MYH14: variants seen among roughly 807,000 people sequenced by gnomAD.
MYH14 encodes myosin-14.
MYH14 carries 123 observed loss-of-function variants against 255.5 expected under a neutral mutation model. That is an observed-to-expected ratio of 0.48 (90% confidence interval 0.42 to 0.56). MYH14 has a LOEUF of 0.56. Among genes scored for constraint, MYH14 ranks in the 20% least tolerant of loss-of-function variants. The pLI is 0.00. For missense variants in MYH14, 2,423 were observed against 2,802.3 expected, an observed-to-expected ratio of 0.86 and a Z score of 3.06; for synonymous variants, 1,095 against 1,161.2, an observed-to-expected ratio of 0.94 and a Z score of 1.16.
chr19:50,229,976 G>A (rs12610851), intron 8 of MYH14, among the ~76,000 whole-genome samples: 23,250 of 152,040 alleles, frequency 0.15, 2,326 homozygotes, highest in East Asian at 0.45. Context: ...GTGCAGTGGC[G>A]CAATCTCGGC....
chr19:50,290,950 C>T lies in MYH14; in HGVS notation c.5029C>T (p.Arg1677Cys), dbSNP rs369214872. 1.5e-5 allele frequency: 24 copies of T among 1,598,894 alleles called. No homozygotes were observed. The highest frequency in any genetic ancestry group is 1.8e-4 in the Middle Eastern group (1 of 5,642). The change falls in exon 36 of 43, where the codon CGC becomes TGC. Residue 1677 changes from arginine to cysteine, a missense_variant. Arg to Cys is a radical substitution (Grantham distance 180). This residue lies in a region of MYH14 where 1,513 missense variants were observed against 1,674.8 expected (regional missense o/e 0.90). Coordinates refer to ENST00000642316, the MANE Select transcript of MYH14 (RefSeq NM_001145809.2). ...RKQRTLAVAA[R>C]KKLEGELEEL... ...GCAGCGCACTCTGGCCGTGGCTGCC[C>T]GCAAGAAGCTGGAGGGAGAGCTGGA... is the stretch of plus-strand genomic sequence containing the variant.
rs1392849324 is a variant in MYH14, at chr19:50,259,146, C to G, written c.2235C>G (p.Ala745=). ...GCGTGTCCGTCCGCTCTCCCCAGGC[C>G]GGGAAGCTGGAGCCACGGCTGGTGC... The part of the protein sequence containing the change: ...RCIVPNHEKR[A]GKLEPRLVLD... The change falls in exon 19 of 43, where the codon GCC becomes GCG. Residue 745 remains alanine, a splice_region_variant and synonymous_variant. Coordinates refer to ENST00000642316, the MANE Select transcript of MYH14 (RefSeq NM_001145809.2). 6.4e-7 allele frequency: 1 copy of G among 1,554,178 alleles called. No homozygotes were observed. The highest frequency in any genetic ancestry group is 1.9e-5 in the Admixed American group (1 of 51,302).
chr19:50,251,890 A>C (rs898264544), intron 15 of MYH14, among the ~76,000 whole-genome samples: 1 of 152,054 alleles, frequency 6.6e-6, no homozygotes, highest in Non-Finnish European at 1.5e-5. Context: ...ATTCCAGTGA[A>C]AGTATTTGCA....
At chr19:50,301,505 A>C (rs995090512) in intron 39 of MYH14, among the ~76,000 whole-genome samples, 156 bp from the exon 40 acceptor site, 4 of 152,238 alleles carry the variant, frequency 2.6e-5, no homozygotes, top group Admixed American at 1.3e-4. Flanking sequence ...TAATAAAAAT[A>C]CAAGCTAACA....
Position 50,292,128 on chromosome 19 carries a change from G to A in MYH14, c.5128-133G>A, listed in dbSNP as rs2036095484. 6 of 899,390 alleles carry A rather than the reference G, an allele frequency of 6.7e-6. No homozygotes were observed. The South Asian group carries it at 1.1e-4, about 17-fold the overall frequency. 55.7% of individuals were successfully genotyped at this position (899,390 alleles called of 1,614,324 possible). ...AAGTGGCTTTATACACAGGAGCCCA[G>A]GTCTGCAGGGTTCGGAGAGTTCCCT... On this transcript the variant is annotated intron_variant, in intron 36 of 42. Coordinates refer to ENST00000642316, the MANE Select transcript of MYH14 (RefSeq NM_001145809.2).
chr19:50,260,863 A>G (rs950587979), intron 20 of MYH14, 148 bp downstream of exon 20: 96 of 664,698 alleles, frequency 1.4e-4, no homozygotes, highest in Non-Finnish European at 1.9e-4. Flanking sequence ...GTGTGCATGC[A>G]TATGTGTGCA....
At chr19:50,212,795 G>T (rs1365284879) in intron 2 of MYH14, among the ~76,000 whole-genome samples, 1 of 152,106 alleles carries the variant, frequency 6.6e-6, no homozygotes, top group Non-Finnish European at 1.5e-5. Context: ...CATGGGGTTG[G>T]TGTCTTCTCC....
chr19:50,227,101 T>G, intron 8 of MYH14, 135 bp downstream of exon 8: 1 of 441,550 alleles, frequency 2.3e-6, no homozygotes, highest in Non-Finnish European at 4.6e-6. Flanking sequence ...AGGCGGCATC[T>G]GCATGGGGAG....
At chr19:50,296,958 A>G (rs2036287543) in intron 39 of MYH14, among the ~76,000 whole-genome samples, 2 of 146,036 alleles carry the variant, frequency 1.4e-5, no homozygotes, top group Admixed American at 1.4e-4. Flanking sequence ...AGCTTAAAGC[A>G]ACAGGAATGT....
chr19:50,257,970 G>A (rs756972288), intron 18 of MYH14, among the ~76,000 whole-genome samples: 2 of 152,276 alleles, frequency 1.3e-5, no homozygotes, highest in Middle Eastern at 3.4e-3. Flanking sequence ...TGGAGCACGC[G>A]AGGTACAAGG....
chr19:50,224,095 C>T, intron 5 of MYH14, 59 bp from the exon 6 acceptor site: 1 of 1,288,264 alleles, frequency 7.8e-7, no homozygotes, highest in Non-Finnish European at 1.1e-6. Context: ...ACCTGTGTGT[C>T]TGTCCACGTT....
chr19:50,304,325 C>G (rs2036586636), intron 40 of MYH14, among the ~76,000 whole-genome samples: 1 of 152,176 alleles, frequency 6.6e-6, no homozygotes, highest in Non-Finnish European at 1.5e-5. Flanking sequence ...CATGGTGGCT[C>G]ACGCCTGTAA....
chr19:50,276,989 T>A lies in MYH14; in HGVS notation c.3825+88T>A. 1 of 1,011,796 alleles carries A rather than the reference T, an allele frequency of 9.9e-7. No homozygotes were observed. The highest frequency in any genetic ancestry group is 1.5e-6 in the Non-Finnish European group (1 of 687,828). 62.7% of individuals were successfully genotyped at this position (1,011,796 alleles called of 1,614,324 possible). On this transcript the variant is annotated intron_variant, in intron 29 of 42. Coordinates refer to ENST00000642316, the MANE Select transcript of MYH14 (RefSeq NM_001145809.2). This position sits in a 1 kb window ranked among gnomAD's most constrained non-coding sequence, Gnocchi z 4.3. The stretch of plus-strand genomic sequence containing the variant: ...TGGAGGAGGTACCGCTGGCTGGTTC[T>A]AGGCTAGCTCATCTCCCTGGGCCCC...
Position 50,266,020 on chromosome 19 carries a change from G to A in MYH14, c.2695-857G>A, listed in dbSNP as rs1014783207. Among the ~76,000 whole-genome samples, 26 of 152,146 alleles carry A rather than the reference G, an allele frequency of 1.7e-4. No individual in the cohort carries two copies. The highest frequency in any genetic ancestry group is 4.8e-4 in the African/African-American group (20 of 41,478). ...ATACCTGCGAAAGATGCAAGGAGTCGGGGCAGAAAAGGAGAGAATAGAAGG... is the reference window on the plus strand; with the variant it reads ...ATACCTGCGAAAGATGCAAGGAGTCAGGGCAGAAAAGGAGAGAATAGAAGG... On this transcript the variant is annotated intron_variant, in intron 22 of 42. Transcript: ENST00000642316. The surrounding 1 kb of genome is among the most constrained non-coding windows in gnomAD (Gnocchi z 4.1).
At chr19:50,302,276 C>G (rs1322099466) in intron 40 of MYH14, among the ~76,000 whole-genome samples, 2 of 124,212 alleles carry the variant, frequency 1.6e-5, no homozygotes, top group Admixed American at 8.0e-5. Context: ...AGTGGAAGAC[C>G]TTGTCTCTAA....
intron 8 of MYH14, 99 bp downstream of exon 8, chr19:50,227,065 T>C: frequency 1.0e-6 from 1 of 1,004,322 alleles, no homozygotes; most frequent in Non-Finnish European, 1.5e-6. Context: ...ACCCCTTACC[T>C]GCTACTCAGA....
chr19:50,271,360 C>T (rs1273455914), intron 24 of MYH14, 49 bp from the exon 25 acceptor site: 1 of 1,566,474 alleles, frequency 6.4e-7, no homozygotes. Context: ...CCCCATCACA[C>T]TCCATCTATT....
chr19:50,307,293 T>TACC, intron 41 of MYH14, 136 bp downstream of exon 41: 2 of 605,830 alleles, frequency 3.3e-6, no homozygotes, highest in Non-Finnish European at 6.0e-6. Flanking sequence ...TGAATGCAGA[T>TACC]ACCATCTTGG....
intron 18 of MYH14, 26 bp downstream of exon 18, chr19:50,257,512 G>C: frequency 3.8e-6 from 6 of 1,578,302 alleles, no homozygotes; most frequent in Non-Finnish European, 5.2e-6. Context: ...TGGGGAGGAA[G>C]GGGTGGCTGT....
Sources: gnomAD v4.1 joint callset for allele counts (sites outside exome capture counted in the v4.1 genomes callset) on GRCh38, gnomAD v4.1.1 for gene constraint, gnomAD v4.1.1 regional missense constraint, Gnocchi (gnomAD v3.1) non-coding constraint, MANE v1.5 for transcripts, NCBI Gene and HGNC (gene_info 2026-07-23, HGNC 2026-07-21) for gene names.